The following CLIP4 variants were observed in gnomAD, a reference collection of about 807,000 sequenced individuals.
CLIP4 encodes CAP-Gly domain containing linker protein family member 4.
In CLIP4, 47 loss-of-function variants were observed where a neutral mutation model predicts 73.1. The observed-to-expected ratio is 0.64, with a 90% confidence interval of 0.51 to 0.82. The LOEUF (loss-of-function observed/expected upper bound fraction) is 0.82, where lower values mean the gene tolerates loss of function less well. CLIP4 is among the 40% of genes least tolerant of loss of function. The pLI, the probability that CLIP4 is intolerant of heterozygous loss-of-function variation, is 0.00. For synonymous variants in CLIP4, 306 were observed against 295.4 expected, an observed-to-expected ratio of 1.04 and a Z score of -0.37; for missense variants, 874 against 852.9, an observed-to-expected ratio of 1.02 and a Z score of -0.31.
intron 6 of CLIP4, among the ~76,000 whole-genome samples, chr2:29,140,890 G>T (rs951168280): frequency 1.3e-5 from 2 of 152,176 alleles, no homozygotes; most frequent in African/African-American, 2.4e-5. Flanking sequence ...TTTGAGGAGT[G>T]TCTGTTCTTA....
At chr2:29,159,290 C>T (rs1033629742) in intron 11 of CLIP4, among the ~76,000 whole-genome samples, 6 of 152,128 alleles carry the variant, frequency 3.9e-5, no homozygotes, top group African/African-American at 1.4e-4. Flanking sequence ...TGCCCTCCTC[C>T]AGAGTTCTCT....
Position 29,181,583 on chromosome 2 carries a change from C to T in CLIP4, c.1808C>T (p.Ala603Val). 1 of 1,606,080 alleles carries T rather than the reference C, an allele frequency of 6.2e-7. No individual in the cohort carries two copies. Among genetic ancestry groups the T allele is most frequent in the Non-Finnish European group, 8.5e-7 (1 of 1,174,530 alleles). Residue 603 changes from alanine to valine, a missense_variant, in exon 16 of 16, where the codon GCT (alanine) becomes GTT (valine). Transcript: ENST00000320081. The stretch of plus-strand genomic sequence containing the variant: ...TCCCTTCCGCACAGATCGAAAGCTG[C>T]TTTGCGTCGCAGTTGGAGCAGCACC... ...RRNAFSKSKA[A>V]LRRSWSSTPT...
At chr2:29,161,671 C>T (rs538284374) in intron 12 of CLIP4, among the ~76,000 whole-genome samples, 5 of 152,242 alleles carry the variant, frequency 3.3e-5, no homozygotes, top group East Asian at 3.9e-4. Context: ...TGAGAGCGAG[C>T]GAGCCAGGTG....
chr2:29,129,240 G>A (rs1047703535), intron 2 of CLIP4, among the ~76,000 whole-genome samples: 2 of 152,130 alleles, frequency 1.3e-5, no homozygotes, highest in Admixed American at 6.5e-5. Flanking sequence ...TCTGCCTTAT[G>A]TCTAATGCTG....
intron 7 of CLIP4, among the ~76,000 whole-genome samples, chr2:29,144,497 T>C (rs1203078062): frequency 6.6e-6 from 1 of 152,206 alleles, no homozygotes; most frequent in Non-Finnish European, 1.5e-5. Flanking sequence ...AGTTGCTTTT[T>C]AAAAATATCT....
intron 9 of CLIP4, among the ~76,000 whole-genome samples, 200 bp downstream of exon 9, chr2:29,153,028 C>T (rs1666681647): frequency 6.6e-6 from 1 of 152,068 alleles, no homozygotes; most frequent in African/African-American, 2.4e-5. Flanking sequence ...TTGTTCCTTC[C>T]TTTTTTCTCT....
chr2:29,098,154 GT>G (rs1459994476), intron 1 of CLIP4, among the ~76,000 whole-genome samples: 6 of 152,162 alleles, frequency 3.9e-5, no homozygotes, highest in African/African-American at 1.4e-4. Flanking sequence ...TGATCAGAAA[GT>G]CAGTTCAGCA....
In CLIP4 at chr2:29,161,450, G is replaced by T. The variant is rs141112522; in HGVS notation, c.1534+983G>T. ...AAAAAAAAAAAGTTTGTAGCATTTA[G>T]CCAAGAACTATGAGGGATCTGAGAT... On this transcript the variant is annotated intron_variant, in intron 12 of 15. Coordinates refer to ENST00000320081, the MANE Select transcript of CLIP4 (RefSeq NM_024692.6). Among the ~76,000 whole-genome samples, 156 of 152,102 alleles carry T rather than the reference G, an allele frequency of 1.0e-3. 3 individuals carry two copies. The East Asian group carries it at 0.028, about 27-fold the overall frequency.
chr2:29,100,712 T>C (rs532512100), intron 1 of CLIP4, among the ~76,000 whole-genome samples: 3 of 151,522 alleles, frequency 2.0e-5, no homozygotes, highest in Admixed American at 6.6e-5. Flanking sequence ...TGCAGGTAGA[T>C]TACAGGCAAA....
chr2:29,125,015 A>G (rs979921464), intron 2 of CLIP4, among the ~76,000 whole-genome samples: 1 of 152,166 alleles, frequency 6.6e-6, no homozygotes, highest in Non-Finnish European at 1.5e-5. Flanking sequence ...TATTCCTGTA[A>G]GTATTCTTGA....
intron 2 of CLIP4, 35 bp downstream of exon 2, chr2:29,121,556 T>C (rs1426555754): frequency 6.2e-7 from 1 of 1,606,138 alleles, no homozygotes; most frequent in Non-Finnish European, 8.5e-7. Context: ...TTCTGTGAAC[T>C]GGTAACTTGA....
chr2:29,154,902 G>A lies in CLIP4; in HGVS notation c.1166-1452G>A, dbSNP rs75418113. On this transcript the variant is annotated intron_variant, in intron 9 of 15. Transcript: ENST00000320081. ...GGAACTTCTGCCCAGAGGCTACATG[G>A]GTTGACTGCCTGCTAAAATGAAACA... is the stretch of plus-strand genomic sequence containing the variant. Among the ~76,000 whole-genome samples, 97 of 152,200 alleles carry A rather than the reference G, an allele frequency of 6.4e-4. 1 individual carries two copies. The East Asian group carries it at 0.017, about 27-fold the overall frequency.
At chr2:29,134,224 T>C (rs1483735724) in intron 5 of CLIP4, among the ~76,000 whole-genome samples, 1 of 152,194 alleles carries the variant, frequency 6.6e-6, no homozygotes, top group Admixed American at 6.5e-5. Context: ...ATTATATAAT[T>C]CAACTTAAGG....
intron 13 of CLIP4, among the ~76,000 whole-genome samples, chr2:29,166,728 C>A (rs2148073507): frequency 6.6e-6 from 1 of 152,250 alleles, no homozygotes; most frequent in Admixed American, 6.5e-5. Flanking sequence ...TTCTTTGTGT[C>A]CATCAGTCTC....
intron 7 of CLIP4, 70 bp downstream of exon 7, chr2:29,144,015 A>G (rs1226994978): frequency 2.1e-5 from 15 of 706,958 alleles, no homozygotes; most frequent in East Asian, 1.1e-4. Flanking sequence ...AGGACACAGT[A>G]TGGTCAGAGT....
At chr2:29,132,769 G>A (rs1322807981) in intron 4 of CLIP4, 1 of 152,410 alleles carries the variant, frequency 6.6e-6, no homozygotes, top group Non-Finnish European at 1.5e-5. Flanking sequence ...GCTACTGGTG[G>A]TGATGGACTC....
chr2:29,116,984 ACT>A (rs1261803067), intron 1 of CLIP4, among the ~76,000 whole-genome samples: 1 of 152,032 alleles, frequency 6.6e-6, no homozygotes, highest in Non-Finnish European at 1.5e-5. Context: ...AATCAACTTC[ACT>A]CTTTCTCCCT....
intron 2 of CLIP4, among the ~76,000 whole-genome samples, chr2:29,124,073 A>C (rs2148469092): frequency 6.6e-6 from 1 of 152,334 alleles, no homozygotes; most frequent in South Asian, 2.1e-4. Context: ...CCATGTAGTT[A>C]CCATTTCTAG....
At chr2:29,120,217 A>G (rs947900959) in intron 1 of CLIP4, among the ~76,000 whole-genome samples, 1 of 152,170 alleles carries the variant, frequency 6.6e-6, no homozygotes, top group Non-Finnish European at 1.5e-5. Context: ...GGATTAGGTT[A>G]CCTAATATAT....
Sources: allele counts gnomAD v4.1 joint callset (sites outside exome capture counted in the v4.1 genomes callset), GRCh38; gene constraint gnomAD v4.1.1; transcripts MANE v1.5; gene names NCBI Gene and HGNC (gene_info 2026-07-23, HGNC 2026-07-21).